BMP7: variants seen among roughly 807,000 people sequenced by gnomAD.
The protein encoded by BMP7 is bone morphogenetic protein 7.
BMP7 carries 12 observed loss-of-function variants against 41.2 expected under a neutral mutation model. The observed-to-expected ratio is 0.29, with a 90% CI of 0.19 to 0.47. The LOEUF (loss-of-function observed/expected upper bound fraction) is 0.47, where lower values mean the gene tolerates loss of function less well. BMP7 is among the 20% of genes least tolerant of loss of function. The probability of loss-of-function intolerance (pLI) is 0.99; values close to 1 mark genes in which losing one functional copy is unlikely to be tolerated. For missense variants in BMP7, 467 were observed against 606.0 expected, an observed-to-expected ratio of 0.77 and a Z score of 2.41; for synonymous variants, 248 against 250.0, an observed-to-expected ratio of 0.99 and a Z score of 0.07.
intron 3 of BMP7, among the ~76,000 whole-genome samples, chr20:57,195,277 GC>G (rs2123081084): frequency 6.6e-6 from 1 of 152,242 alleles, no homozygotes; most frequent in Non-Finnish European, 1.5e-5. Flanking sequence ...TGTTTTCCAG[GC>G]CCAGGGCTAC....
In BMP7 at chr20:57,214,701, C is replaced by A. The variant is rs1381629726; in HGVS notation, c.612-12078G>T. ...GTCCACTGATGCCCTAATGGTGCAT[C>A]CACGTCGGACACGCTCCAAGCCCAA... On this transcript the variant is annotated intron_variant, in intron 2 of 6. Transcript: ENST00000395863. This position sits in a 1 kb window ranked among gnomAD's most constrained non-coding sequence, Gnocchi z 4.0. Among the ~76,000 whole-genome samples the A allele has an allele frequency of 6.6e-6, 1 of 152,246 alleles. No individual in the cohort carries two copies. The highest frequency in any genetic ancestry group is 1.5e-5 in the Non-Finnish European group (1 of 68,040).
chr20:57,178,437 C>T (rs1983988840), intron 4 of BMP7, among the ~76,000 whole-genome samples: 2 of 152,062 alleles, frequency 1.3e-5, no homozygotes, highest in Admixed American at 6.5e-5. Context: ...CCCCTGGTCC[C>T]CACCCTCCGT....
At chr20:57,200,058 G>A (rs1568712436) in intron 3 of BMP7, among the ~76,000 whole-genome samples, 1 of 152,230 alleles carries the variant, frequency 6.6e-6, no homozygotes, top group Non-Finnish European at 1.5e-5. Flanking sequence ...GGGTTCTCAG[G>A]AGCCTCCATT....
rs766078455 is a variant in BMP7, at chr20:57,174,539, C to T, written c.1035+392G>A. 5.3e-5 allele frequency among the ~76,000 whole-genome samples: 8 copies of T among 152,244 alleles called. No individual in the cohort carries two copies. Among genetic ancestry groups the T allele is most frequent in the Non-Finnish European group, 7.4e-5 (5 of 68,016 alleles). On this transcript the variant is annotated intron_variant, in intron 5 of 6. Transcript: ENST00000395863. The surrounding 1 kb of genome is among the most constrained non-coding windows in gnomAD (Gnocchi z 4.3). ...GTGCCTGAACCAAGCTGGGCAGATC[C>T]GTCCCTCCCGTGGGAATGGGAATGG...
chr20:57,211,117 T>C (rs1295255433), intron 2 of BMP7, among the ~76,000 whole-genome samples: 2 of 152,226 alleles, frequency 1.3e-5, no homozygotes, highest in Non-Finnish European at 2.9e-5. Flanking sequence ...CTCAGCACCC[T>C]GACACCTCGT....
chr20:57,183,791 T>G lies in BMP7; in HGVS notation c.889A>C (p.Lys297Gln), dbSNP rs1327735915. Residue 297 changes from lysine (K) to glutamine (Q), a missense_variant, in exon 4 of 7, where the codon AAA (lysine) becomes CAA (glutamine). Transcript: ENST00000395863. ...TTGGAGCGGTTCTGGCTGCGCTGTT[T>G]GCTCCCCGTGGACCGGATGCTGCGG... ...HFRSIRSTGSKQRSQNRSKTP... is the reference protein window; with the variant it reads ...HFRSIRSTGSQQRSQNRSKTP... 6.2e-7 allele frequency: 1 copy of G among 1,614,094 alleles called. No homozygotes were observed. Among genetic ancestry groups the G allele is most frequent in the Admixed American group, 1.7e-5 (1 of 60,008 alleles).
intron 2 of BMP7, among the ~76,000 whole-genome samples, chr20:57,211,950 C>G (rs1162705710): frequency 6.6e-6 from 1 of 152,202 alleles, no homozygotes; most frequent in Non-Finnish European, 1.5e-5. Context: ...CTGGGCTCAG[C>G]AGCTGGAGGA....
At chr20:57,229,442 C>T (rs1017940108) in intron 1 of BMP7, among the ~76,000 whole-genome samples, 1 of 152,168 alleles carries the variant, frequency 6.6e-6, no homozygotes, top group African/African-American at 2.4e-5. Context: ...ATGTCATGTC[C>T]ATTTCATAGA....
chr20:57,256,756 TG>T (rs2066135764), intron 1 of BMP7, among the ~76,000 whole-genome samples: 1 of 151,906 alleles, frequency 6.6e-6, no homozygotes, highest in Non-Finnish European at 1.5e-5. Context: ...GGCGTGGTGG[TG>T]GGCACCTATA....
rs533750779 is a variant in BMP7, at chr20:57,213,614, C to T, written c.612-10991G>A. ...GGGTCAAGAGGGAAGAGAAATACAG[C>T]GACAAATGGAAGGCTCTCCCTCATT... On this transcript the variant is annotated intron_variant, in intron 2 of 6. Transcript: ENST00000395863. This position sits in a 1 kb window ranked among gnomAD's most constrained non-coding sequence, Gnocchi z 4.4. Among the ~76,000 whole-genome samples, 3 of 152,066 alleles carry T rather than the reference C, an allele frequency of 2.0e-5. No individual in the cohort carries two copies. Among genetic ancestry groups the T allele is most frequent in the Non-Finnish European group, 4.4e-5 (3 of 68,016 alleles).
intron 1 of BMP7, among the ~76,000 whole-genome samples, chr20:57,243,096 G>A (rs576303716): frequency 1.3e-5 from 2 of 152,338 alleles, no homozygotes; most frequent in Non-Finnish European, 2.9e-5. Context: ...TTGAAGAGGT[G>A]CTGTCGCCCA....
rs886967622 is a variant in BMP7 at position 57,224,609 on chromosome 20, C to T, written c.611+3620G>A. 6 of 152,362 alleles carry T rather than the reference C, an allele frequency of 3.9e-5. No homozygotes were observed. Among genetic ancestry groups the T allele is most frequent in the African/African-American group, 1.4e-4 (6 of 41,458 alleles). The allele number at this position is 152,362 out of a possible 1,614,324, so 9.4% of individuals were successfully genotyped here. A position where few individuals can be genotyped will look rare whatever the true frequency, so the allele number is the denominator to read the frequency against. On this transcript the variant is annotated intron_variant, in intron 2 of 6. Coordinates refer to ENST00000395863, the MANE Select transcript of BMP7 (RefSeq NM_001719.3). This position sits in a 1 kb window ranked among gnomAD's most constrained non-coding sequence, Gnocchi z 4.8. ...GAACCAAAGTCTGCACCAATGGAGA[C>T]AGGAGCAAGTCCAGCTCCTGGAAGC...
chr20:57,226,925 C>T (rs1052518218), intron 2 of BMP7, among the ~76,000 whole-genome samples: 1 of 148,750 alleles, frequency 6.7e-6, no homozygotes, highest in African/African-American at 2.5e-5. Flanking sequence ...CTCCTGGGTT[C>T]AAGCAATTCT....
chr20:57,209,633 C>A (rs1284192347), intron 2 of BMP7, among the ~76,000 whole-genome samples: 1 of 152,086 alleles, frequency 6.6e-6, no homozygotes, highest in Non-Finnish European at 1.5e-5. Flanking sequence ...CACTTCAAAT[C>A]TTAATAAAGC....
chr20:57,222,582 G>A (rs151288627), intron 2 of BMP7, among the ~76,000 whole-genome samples: 106 of 152,204 alleles, frequency 7.0e-4, no homozygotes, highest in African/African-American at 2.4e-3. Flanking sequence ...AAGGGACTGC[G>A]AGGAAAAATG....
rs45581335 is a variant in BMP7 at position 57,170,656 on chromosome 20, C to A, written c.*303G>T. 5.2e-6 allele frequency: 2 copies of A among 381,880 alleles called. No individual in the cohort carries two copies. The highest frequency in any genetic ancestry group is 6.4e-5 in the East Asian group (1 of 15,648). 23.7% of individuals were successfully genotyped at this position (381,880 alleles called of 1,614,324 possible). The stretch of plus-strand genomic sequence containing the variant: ...TCATAATTACCTCTGGAAACGAGTC[C>A]GTGCATGGCTGAGACTTCCCAGCCA... On this transcript the variant is annotated 3_prime_UTR_variant, in exon 7 of 7. Transcript: ENST00000395863.
intron 3 of BMP7, among the ~76,000 whole-genome samples, chr20:57,194,868 G>A (rs1029179694): frequency 1.3e-5 from 2 of 152,198 alleles, no homozygotes; most frequent in African/African-American, 2.4e-5. Flanking sequence ...CTGTGAGCTC[G>A]ACCCCTGCAC....
In BMP7 at chr20:57,190,135, C is replaced by T. The variant is rs369314366; in HGVS notation, c.761-6216G>A. On this transcript the variant is annotated intron_variant, in intron 3 of 6. Transcript: ENST00000395863. ...AGAGGTTGAGACTGGAGATAGTGAG[C>T]GAGGAACCGGAGGGGGTGAAGCTGG... Among the ~76,000 whole-genome samples the T allele has an allele frequency of 2.6e-4, 39 of 151,600 alleles. No individual in the cohort carries two copies. In the East Asian group the frequency reaches 4.6e-3, roughly 18 times the overall value.
intron 1 of BMP7, among the ~76,000 whole-genome samples, chr20:57,254,204 G>C (rs2066125308): frequency 6.6e-6 from 1 of 151,570 alleles, no homozygotes; most frequent in Non-Finnish European, 1.5e-5. Flanking sequence ...TGTATTTTTA[G>C]TAGAAACGGG....
Sources: allele counts gnomAD v4.1 joint callset (sites outside exome capture counted in the v4.1 genomes callset), GRCh38; gene constraint gnomAD v4.1.1; non-coding constraint Gnocchi (gnomAD v3.1); transcripts MANE v1.5; gene names NCBI Gene and HGNC (gene_info 2026-07-23, HGNC 2026-07-21).